RGS7: variants seen among roughly 807,000 people sequenced by gnomAD.
The protein encoded by RGS7 is regulator of G protein signaling 7, also known as regulator of G-protein signaling 7.
A neutral mutation model predicts 81.1 loss-of-function variants in RGS7; 27 were observed. The observed-to-expected ratio is 0.33, with a 90% confidence interval of 0.25 to 0.46. RGS7 has a LOEUF of 0.46. RGS7 is among the 20% of genes least tolerant of loss of function. The pLI is 1.00. For synonymous variants in RGS7, 208 were observed against 207.7 expected, an observed-to-expected ratio of 1.00 and a Z score of -0.01; for missense variants, 396 against 607.4, an observed-to-expected ratio of 0.65 and a Z score of 3.66.
At chr1:241,316,362 G>A (rs902031150) in intron 2 of RGS7, among the ~76,000 whole-genome samples, 1 of 152,216 alleles carries the variant, frequency 6.6e-6, no homozygotes, top group Non-Finnish European at 1.5e-5. Flanking sequence ...AGGTGGGGGA[G>A]CAAGGATGGG....
chr1:240,871,050 T>C (rs553813658), intron 6 of RGS7, among the ~76,000 whole-genome samples: 1 of 152,308 alleles, frequency 6.6e-6, no homozygotes, highest in African/African-American at 2.4e-5. Context: ...AGTGTTGCAA[T>C]TGAGCAAATT....
intron 18 of RGS7, among the ~76,000 whole-genome samples, chr1:240,781,477 G>T (rs936341547): frequency 6.6e-6 from 1 of 152,104 alleles, no homozygotes; most frequent in African/African-American, 2.4e-5. Context: ...GTGGTGGCAG[G>T]TGCCTGCAAT....
intron 2 of RGS7, among the ~76,000 whole-genome samples, chr1:241,130,797 TTTTTTA>T (rs139162958): frequency 0.064 from 9,771 of 152,080 alleles, 948 homozygotes; most frequent in African/African-American, 0.22. Context: ...GTTTGGTTTC[TTTTTTA>T]TTTTTATAAC....
chr1:240,809,211 T>G (rs1025170892), intron 14 of RGS7, among the ~76,000 whole-genome samples: 1 of 152,176 alleles, frequency 6.6e-6, no homozygotes, highest in Non-Finnish European at 1.5e-5. Flanking sequence ...AAATACATCA[T>G]AAAATTTCAA....
intron 2 of RGS7, among the ~76,000 whole-genome samples, chr1:241,104,509 G>A (rs114550029): frequency 9.9e-5 from 15 of 152,280 alleles, no homozygotes; most frequent in African/African-American, 3.4e-4. Flanking sequence ...GAAATGAGAT[G>A]GCATTCACTT....
intron 10 of RGS7, 45 bp downstream of exon 10, chr1:240,827,053 A>G: frequency 6.9e-7 from 1 of 1,459,502 alleles, no homozygotes; most frequent in Non-Finnish European, 9.6e-7. Flanking sequence ...TCCTGTAAAC[A>G]ATGCAATCCA....
At chr1:241,354,712 C>T (rs1430440677) in intron 2 of RGS7, among the ~76,000 whole-genome samples, 1 of 152,204 alleles carries the variant, frequency 6.6e-6, no homozygotes, top group Admixed American at 6.5e-5. Context: ...ACATCTTGAA[C>T]TCTTCAATGG....
At chr1:241,136,463 T>C (rs2067523396) in intron 2 of RGS7, among the ~76,000 whole-genome samples, 1 of 151,912 alleles carries the variant, frequency 6.6e-6, no homozygotes, top group Non-Finnish European at 1.5e-5. Context: ...GGGATGTTCA[T>C]GGGGTAGAGG....
At chr1:241,298,201 T>A (rs2079535230) in intron 2 of RGS7, among the ~76,000 whole-genome samples, 1 of 151,064 alleles carries the variant, frequency 6.6e-6, no homozygotes, top group Admixed American at 6.6e-5. Flanking sequence ...AAAAGAAGAA[T>A]CACAACGCCC....
rs573503878 is a variant in RGS7, at chr1:241,282,659, C to T, written c.78+73040G>A. On this transcript the variant is annotated intron_variant, in intron 2 of 18. Transcript: ENST00000440928. ...CTTGTTCCCAACATTAGGGGAAAAG[C>T]ATTCAGTCTTTCACCATTAATAATA... Among the ~76,000 whole-genome samples, 6 of 152,272 alleles carry T rather than the reference C, an allele frequency of 3.9e-5. 1 individual carries two copies. In the South Asian group the frequency reaches 1.2e-3, roughly 32 times the overall value.
chr1:241,006,325 A>G (rs1304437079), intron 3 of RGS7, among the ~76,000 whole-genome samples: 2 of 152,136 alleles, frequency 1.3e-5, no homozygotes, highest in Non-Finnish European at 2.9e-5. Flanking sequence ...TTTGAGGAAA[A>G]GGTTTCTGTT....
intron 4 of RGS7, among the ~76,000 whole-genome samples, chr1:240,955,118 T>C (rs934855013): frequency 2.0e-5 from 3 of 152,150 alleles, no homozygotes; most frequent in African/African-American, 7.2e-5. Context: ...GTTCATGGAC[T>C]GGAATGCTCA....
chr1:241,335,334 G>A (rs1365208444), intron 2 of RGS7, among the ~76,000 whole-genome samples: 1 of 152,142 alleles, frequency 6.6e-6, no homozygotes, highest in African/African-American at 2.4e-5. Context: ...AGGATCTTTG[G>A]ATTAGTTCTA....
Position 240,936,719 on chromosome 1 carries a change from A to C in RGS7, c.227-13T>G. 6.3e-7 allele frequency: 1 copy of C among 1,592,564 alleles called. No homozygotes were observed. Among genetic ancestry groups the C allele is most frequent in the Non-Finnish European group, 8.6e-7 (1 of 1,160,394 alleles). ...TGGAGCGCCTCCACTGTTTTATGAA[A>C]ACAAACAAAGAACATAAAAAAGCCT... On this transcript the variant is annotated splice_polypyrimidine_tract_variant and intron_variant, in intron 4 of 18. Transcript: ENST00000440928.
At chr1:241,104,889 TA>T (rs2065007361) in intron 2 of RGS7, among the ~76,000 whole-genome samples, 1 of 152,038 alleles carries the variant, frequency 6.6e-6, no homozygotes, top group African/African-American at 2.4e-5. Context: ...AGGCTCACTT[TA>T]AAAAGAGAAG....
Position 241,144,449 on chromosome 1 carries a change from C to T in RGS7, c.79-45687G>A, listed in dbSNP as rs979697906. ...ATCCATTATTACTTACTGCGGTTCACGGAAGCAGCTTTGTAAACCTACATA... is the reference window on the plus strand; with the variant it reads ...ATCCATTATTACTTACTGCGGTTCATGGAAGCAGCTTTGTAAACCTACATA... On this transcript the variant is annotated intron_variant, in intron 2 of 18. Coordinates refer to ENST00000440928, the MANE Select transcript of RGS7 (RefSeq NM_001364886.1). This position sits in a 1 kb window ranked among gnomAD's most constrained non-coding sequence, Gnocchi z 4.7. 3.9e-5 allele frequency among the ~76,000 whole-genome samples: 6 copies of T among 152,130 alleles called. No individual in the cohort carries two copies. The highest frequency in any genetic ancestry group is 4.1e-4 in the South Asian group (2 of 4,834).
chr1:241,125,014 G>C lies in RGS7; in HGVS notation c.79-26252C>G, dbSNP rs2066551091. 4.6e-5 allele frequency among the ~76,000 whole-genome samples: 7 copies of C among 152,306 alleles called. No homozygotes were observed. In the South Asian group the frequency reaches 1.5e-3, roughly 32 times the overall value. The stretch of plus-strand genomic sequence containing the variant: ...GCAGAAAATACTACTTGGGATGGCA[G>C]GTTGTTTTGCACGGTCATGCCCTTT... On this transcript the variant is annotated intron_variant, in intron 2 of 18. Transcript: ENST00000440928.
chr1:240,782,993 AT>A (rs1684385404), intron 18 of RGS7, among the ~76,000 whole-genome samples: 4 of 152,344 alleles, frequency 2.6e-5, no homozygotes, highest in South Asian at 4.1e-4. Flanking sequence ...ATCCTGTGAG[AT>A]TTTGTAATAT....
chr1:241,344,571 CCAGA>C (rs2148712230), intron 2 of RGS7, among the ~76,000 whole-genome samples: 1 of 152,282 alleles, frequency 6.6e-6, no homozygotes, highest in Non-Finnish European at 1.5e-5. Flanking sequence ...GCATTTTAAC[CCAGA>C]CAGTCTGGCT....
Sources: allele counts gnomAD v4.1 joint callset (sites outside exome capture counted in the v4.1 genomes callset), GRCh38; gene constraint gnomAD v4.1.1; non-coding constraint Gnocchi (gnomAD v3.1); transcripts MANE v1.5; gene names NCBI Gene and HGNC (gene_info 2026-07-23, HGNC 2026-07-21).